Variants in PTPRJ observed in about 807,000 individuals in gnomAD.
PTPRJ encodes receptor-type tyrosine-protein phosphatase eta.
In PTPRJ, 129 loss-of-function variants were observed where a neutral mutation model predicts 141.3. That is an observed-to-expected ratio of 0.91 (90% CI 0.79 to 1.06). The LOEUF (loss-of-function observed/expected upper bound fraction) is 1.06. PTPRJ is among the 50% of genes least tolerant of loss of function. PTPRJ has a pLI of 0.00. For synonymous variants in PTPRJ, 610 were observed against 640.5 expected (o/e 0.95, Z 0.72); for missense variants, 1,601 against 1,679.7 (o/e 0.95, Z 0.82).
At chr11:48,017,751 G>A (rs73462901) in intron 1 of PTPRJ, among the ~76,000 whole-genome samples, 1,662 of 152,312 alleles carry the variant, frequency 0.011, 29 homozygotes, top group African/African-American at 0.038. Flanking sequence ...GAGAGCAAGG[G>A]CCCACTGGCT....
chr11:48,069,219 C>G (rs968546170), intron 1 of PTPRJ, among the ~76,000 whole-genome samples: 12 of 151,716 alleles, frequency 7.9e-5, no homozygotes, highest in Non-Finnish European at 1.3e-4. Context: ...CCTGCCTCAG[C>G]CTCCCGAGTA....
rs906224378 is a variant in PTPRJ at position 48,087,133 on chromosome 11, G to C, written c.97-22925G>C. Among the ~76,000 whole-genome samples the C allele has an allele frequency of 2.9e-4, 44 of 152,198 alleles. 1 individual carries two copies. The highest frequency in any genetic ancestry group is 1.0e-3 in the African/African-American group (43 of 41,440). On this transcript the variant is annotated intron_variant, in intron 1 of 24. Coordinates refer to ENST00000418331, the MANE Select transcript of PTPRJ (RefSeq NM_002843.4). ...AACTAAAATGCTTTGGTTCTCCTGT[G>C]TGCCAGGAACAGCAGTAAACTTTAT...
chr11:47,982,070 A>G (rs1294403524), intron 1 of PTPRJ, among the ~76,000 whole-genome samples: 1 of 142,494 alleles, frequency 7.0e-6, no homozygotes, highest in East Asian at 1.9e-4. Context: ...GCGCGAATAC[A>G]GGAGAGAGCA....
At chr11:48,108,869 C>G (rs1034785628) in intron 1 of PTPRJ, among the ~76,000 whole-genome samples, 2 of 152,168 alleles carry the variant, frequency 1.3e-5, no homozygotes, top group Non-Finnish European at 2.9e-5. Context: ...CCTCTGGGCT[C>G]GTTCTTTCCT....
intron 1 of PTPRJ, among the ~76,000 whole-genome samples, chr11:48,032,540 G>A (rs1041425074): frequency 3.9e-5 from 6 of 152,082 alleles, no homozygotes; most frequent in African/African-American, 1.2e-4. Flanking sequence ...TGGGTGGATC[G>A]CCTGAGGTCA....
intron 7 of PTPRJ, 117 bp downstream of exon 7, chr11:48,128,160 G>A (rs1856890497): frequency 1.1e-5 from 14 of 1,306,990 alleles, no homozygotes; most frequent in South Asian, 9.5e-5. Context: ...GCCAAGCTTC[G>A]TGTGACATGC....
intron 1 of PTPRJ, among the ~76,000 whole-genome samples, chr11:48,001,182 A>G (rs1193715601): frequency 2.6e-5 from 4 of 151,822 alleles, no homozygotes; most frequent in Non-Finnish European, 5.9e-5. Context: ...TCGTAGAAAC[A>G]AGGTTTCACC....
intron 1 of PTPRJ, among the ~76,000 whole-genome samples, chr11:48,005,569 A>G (rs1854600502): frequency 6.6e-6 from 1 of 152,208 alleles, no homozygotes; most frequent in African/African-American, 2.4e-5. Flanking sequence ...CATCACAGAG[A>G]GATACCATGT....
intron 3 of PTPRJ, among the ~76,000 whole-genome samples, chr11:48,114,184 A>T (rs1856506774): frequency 6.6e-6 from 1 of 152,178 alleles, no homozygotes; most frequent in South Asian, 2.1e-4. Context: ...CATGCCTGTA[A>T]TCACAGCACT....
At chr11:48,067,732 A>T (rs1855123123) in intron 1 of PTPRJ, among the ~76,000 whole-genome samples, 1 of 152,212 alleles carries the variant, frequency 6.6e-6, no homozygotes, top group South Asian at 2.1e-4. Flanking sequence ...CATGTTTTAC[A>T]GATTGGTCCA....
intron 19 of PTPRJ, among the ~76,000 whole-genome samples, chr11:48,154,199 T>TGG (rs1329880434): frequency 6.6e-6 from 1 of 152,242 alleles, no homozygotes; most frequent in Non-Finnish European, 1.5e-5. Flanking sequence ...CTCGGCTTTG[T>TGG]ACTAGGTCTG....
intron 1 of PTPRJ, among the ~76,000 whole-genome samples, chr11:48,082,296 G>A (rs886491330): frequency 6.6e-6 from 1 of 151,944 alleles, no homozygotes; most frequent in Non-Finnish European, 1.5e-5. Flanking sequence ...AGGCTGAAGT[G>A]CAGTGGCACA....
chr11:48,102,896 A>G (rs966144490), intron 1 of PTPRJ, among the ~76,000 whole-genome samples: 1 of 152,112 alleles, frequency 6.6e-6, no homozygotes, highest in Non-Finnish European at 1.5e-5. Context: ...CCCTCTCTTC[A>G]GATGAAGAGA....
In PTPRJ at chr11:48,161,181, A is replaced by AAAAAAAT. The variant is rs1224031933; in HGVS notation, c.3558+1138_3558+1139insTAAAAAA. Among the ~76,000 whole-genome samples the AAAAAAAT allele has an allele frequency of 1.3e-3, 10 of 7,632 alleles. 1 individual carries two copies. The highest frequency in any genetic ancestry group is 0.011 in the Admixed American group (6 of 528). The allele number at this position is 7,632 out of a possible 152,430, so 5.0% of individuals were successfully genotyped here. On this transcript the variant is annotated intron_variant, in intron 22 of 24. Transcript: ENST00000418331. ...GGGTGACAAAGCAAGACCCGGTCTCAAAAAAAAAAAAAAAAAAGATAAATA... is the reference window on the plus strand; with the variant it reads ...GGGTGACAAAGCAAGACCCGGTCTCAAAAAAATAAAAAAAAAAAAAAAAAGATAAATA...
At chr11:48,094,952 G>A (rs1855967225) in intron 1 of PTPRJ, among the ~76,000 whole-genome samples, 1 of 152,180 alleles carries the variant, frequency 6.6e-6, no homozygotes, top group African/African-American at 2.4e-5. Context: ...CTGAGGGGGT[G>A]AGGGCTGGCC....
intron 19 of PTPRJ, among the ~76,000 whole-genome samples, chr11:48,155,091 T>C (rs1857570650): frequency 6.6e-6 from 1 of 152,214 alleles, no homozygotes; most frequent in Non-Finnish European, 1.5e-5. Flanking sequence ...ATTTCATCTC[T>C]TAAGTTGGGC....
At chr11:48,083,582 GTACT>G (rs1267232395) in intron 1 of PTPRJ, among the ~76,000 whole-genome samples, 2 of 152,132 alleles carry the variant, frequency 1.3e-5, no homozygotes, top group African/African-American at 4.8e-5. Flanking sequence ...TTTTCCACTA[GTACT>G]TACTACTACC....
intron 1 of PTPRJ, among the ~76,000 whole-genome samples, chr11:48,107,972 T>G (rs1038070383): frequency 6.6e-6 from 1 of 152,162 alleles, no homozygotes; most frequent in Non-Finnish European, 1.5e-5. Flanking sequence ...TAGTCCCAGC[T>G]ACTTGGGAGG....
chr11:48,037,006 G>A (rs1461640312), intron 1 of PTPRJ, among the ~76,000 whole-genome samples: 3 of 152,126 alleles, frequency 2.0e-5, no homozygotes, highest in East Asian at 1.9e-4. Context: ...ATGAGCACAC[G>A]TTGTCATATA....
Sources: allele counts gnomAD v4.1 joint callset (sites outside exome capture counted in the v4.1 genomes callset), GRCh38; gene constraint gnomAD v4.1.1; transcripts MANE v1.5; gene names NCBI Gene and HGNC (gene_info 2026-07-23, HGNC 2026-07-21).